Variants in RIMS2 observed in about 807,000 individuals in gnomAD.
The protein encoded by RIMS2 is regulating synaptic membrane exocytosis 2.
A neutral mutation model predicts 174.4 loss-of-function variants in RIMS2; 59 were observed. That is an observed-to-expected ratio of 0.34 (90% CI 0.27 to 0.42). The LOEUF is 0.42. Among genes scored for constraint, RIMS2 ranks in the 10% least tolerant of loss-of-function variants. RIMS2 has a pLI of 1.00. For missense variants in RIMS2, 1,620 were observed against 1,666.3 expected (o/e 0.97, Z 0.48); for synonymous variants, 606 against 572.5 (o/e 1.06, Z -0.84).
chr8:103,713,092 C>T (rs1299078098), intron 2 of RIMS2, among the ~76,000 whole-genome samples: 2 of 151,994 alleles, frequency 1.3e-5, no homozygotes, highest in African/African-American at 4.8e-5. Context: ...AATCTTGGCT[C>T]ATTGCAACCT....
intron 19 of RIMS2, among the ~76,000 whole-genome samples, chr8:104,144,937 G>A (rs934863433): frequency 5.3e-5 from 8 of 151,862 alleles, no homozygotes; most frequent in East Asian, 1.9e-4. Flanking sequence ...TACATATGTC[G>A]TCCAAAGCTA....
intron 15 of RIMS2, among the ~76,000 whole-genome samples, chr8:103,969,020 A>G (rs2154547314): frequency 6.6e-6 from 1 of 152,104 alleles, no homozygotes; most frequent in South Asian, 2.1e-4. Context: ...CAAGCCTTCA[A>G]ATATTTCACT....
intron 1 of RIMS2, among the ~76,000 whole-genome samples, chr8:103,565,258 T>G (rs1429729814): frequency 6.6e-6 from 1 of 152,076 alleles, no homozygotes; most frequent in Non-Finnish European, 1.5e-5. Context: ...GATGTAAATG[T>G]ACTAAAGTTA....
intron 1 of RIMS2, among the ~76,000 whole-genome samples, chr8:103,691,147 A>T (rs562938784): frequency 1.3e-5 from 2 of 151,856 alleles, no homozygotes; most frequent in African/African-American, 4.8e-5. Context: ...TGGGAGTTTG[A>T]TTATTAAATG....
At chr8:103,843,704 A>T (rs1238241699) in intron 3 of RIMS2, among the ~76,000 whole-genome samples, 2 of 152,200 alleles carry the variant, frequency 1.3e-5, no homozygotes. Flanking sequence ...TATGGTGAAG[A>T]CTACCTTATT....
chr8:104,138,987 A>G (rs1340500272), intron 19 of RIMS2, among the ~76,000 whole-genome samples: 1 of 152,022 alleles, frequency 6.6e-6, no homozygotes, highest in Non-Finnish European at 1.5e-5. Context: ...CTGCATATGG[A>G]TGTCTTGTTT....
intron 2 of RIMS2, among the ~76,000 whole-genome samples, chr8:103,735,954 A>G (rs923351865): frequency 5.3e-5 from 8 of 152,120 alleles, no homozygotes; most frequent in African/African-American, 1.2e-4. Context: ...TCTTCAGCCT[A>G]TGTAGTACTT....
At chr8:104,178,890 T>A (rs2098922786) in intron 19 of RIMS2, among the ~76,000 whole-genome samples, 2 of 152,146 alleles carry the variant, frequency 1.3e-5, no homozygotes, top group Non-Finnish European at 2.9e-5. Context: ...AAGTAGTTCT[T>A]GGATAATAAG....
At chr8:104,113,899 C>T (rs1236442618) in intron 19 of RIMS2, among the ~76,000 whole-genome samples, 2 of 151,810 alleles carry the variant, frequency 1.3e-5, no homozygotes, top group Non-Finnish European at 2.9e-5. Flanking sequence ...ATCCAGTTTT[C>T]AGTCTTTCTA....
chr8:103,828,847 G>A (rs77313514), intron 3 of RIMS2, among the ~76,000 whole-genome samples: 9,990 of 151,974 alleles, frequency 0.066, 372 homozygotes, highest in Non-Finnish European at 0.079. Context: ...TGCTTTCTTT[G>A]TCAACTTTGT....
chr8:103,650,665 C>T (rs1380763271), intron 1 of RIMS2, among the ~76,000 whole-genome samples: 1 of 152,226 alleles, frequency 6.6e-6, no homozygotes, highest in East Asian at 1.9e-4. Context: ...TTGGGTTCCA[C>T]TTAAAGAAGC....
intron 21 of RIMS2, 48 bp from the exon 28 acceptor site, chr8:104,249,439 A>G: frequency 1.1e-6 from 1 of 943,326 alleles, no homozygotes; most frequent in Non-Finnish European, 1.7e-6. Context: ...TATTTTCCTT[A>G]GTGCATTTGT....
chr8:103,922,683 G>T (rs1005942046), intron 10 of RIMS2: 1 of 380,350 alleles, frequency 2.6e-6, no homozygotes, highest in South Asian at 1.9e-5. Context: ...GATATTTTAA[G>T]CCCAAAAAAG....
At chr8:103,704,557 T>C (rs896381019) in intron 2 of RIMS2, among the ~76,000 whole-genome samples, 1 of 152,072 alleles carries the variant, frequency 6.6e-6, no homozygotes, top group Admixed American at 6.6e-5. Flanking sequence ...TTAATTCTTC[T>C]TTTAAATATT....
intron 19 of RIMS2, among the ~76,000 whole-genome samples, chr8:104,206,306 A>G (rs2099079921): frequency 6.6e-6 from 1 of 152,220 alleles, no homozygotes; most frequent in South Asian, 2.1e-4. Context: ...TCTGAATTAT[A>G]GTTAATATAA....
chr8:103,777,359 A>G (rs1352849870), intron 3 of RIMS2, among the ~76,000 whole-genome samples: 3 of 151,960 alleles, frequency 2.0e-5, no homozygotes, highest in African/African-American at 7.2e-5. Context: ...TTTTTTCAGT[A>G]TATCTATTCT....
At chr8:103,855,436 C>T (rs1455002415) in intron 3 of RIMS2, among the ~76,000 whole-genome samples, 1 of 151,948 alleles carries the variant, frequency 6.6e-6, no homozygotes, top group East Asian at 1.9e-4. Context: ...CCTTTAAGTG[C>T]AAAGTTAGAT....
chr8:104,101,485 T>A (rs1437989319), intron 19 of RIMS2, among the ~76,000 whole-genome samples: 2 of 152,130 alleles, frequency 1.3e-5, no homozygotes, highest in African/African-American at 4.8e-5. Flanking sequence ...TTTTTTACCA[T>A]TGTCTATTTT....
chr8:104,127,371 C>T (rs1414418156), intron 19 of RIMS2, among the ~76,000 whole-genome samples: 1 of 152,122 alleles, frequency 6.6e-6, no homozygotes, highest in Non-Finnish European at 1.5e-5. Flanking sequence ...TTGAGTCTTA[C>T]CCATCTAGGC....
Sources: gnomAD v4.1 joint callset for allele counts (sites outside exome capture counted in the v4.1 genomes callset) on GRCh38, gnomAD v4.1.1 for gene constraint, MANE v1.5 for transcripts, NCBI Gene and HGNC (gene_info 2026-07-23, HGNC 2026-07-21) for gene names.